The following MIGA1 variants were observed in gnomAD, a reference collection of about 807,000 sequenced individuals.
The protein encoded by MIGA1 is family with sequence similarity 73, member A.
In MIGA1, 58 loss-of-function variants were observed where a neutral mutation model predicts 82.0. The ratio of observed to expected loss-of-function variants is 0.71; its 90% CI spans 0.57 to 0.88. MIGA1 has a LOEUF of 0.88. Ranked by LOEUF, MIGA1 falls within the 40% of genes least tolerant of loss-of-function variation. MIGA1 has a pLI of 0.00. For missense variants in MIGA1, 751 were observed against 749.1 expected, an observed-to-expected ratio of 1.00 and a Z score of -0.03; for synonymous variants, 249 against 253.6, an observed-to-expected ratio of 0.98 and a Z score of 0.17.
intron 8 of MIGA1, among the ~76,000 whole-genome samples, chr1:77,844,147 G>GAT (rs1475551221): frequency 1.7e-4 from 21 of 126,782 alleles, no homozygotes; most frequent in African/African-American, 6.3e-4. Flanking sequence ...TAGATAGATA[G>GAT]ATAGATAGAT....
At chr1:77,872,099 CTAGGACTA>C (rs1231700095) in intron 14 of MIGA1, among the ~76,000 whole-genome samples, 1 of 152,030 alleles carries the variant, frequency 6.6e-6, no homozygotes, top group African/African-American at 2.4e-5. Flanking sequence ...TCCTGAGTAG[CTAGGACTA>C]TAGGTACACA....
rs796394795 is a variant in MIGA1, at chr1:77,878,018, G to A, written c.*2954G>A. 1.4e-4 allele frequency: 22 copies of A among 152,234 alleles called. No individual in the cohort carries two copies. The highest frequency in any genetic ancestry group is 5.1e-4 in the African/African-American group (21 of 41,550). The allele number at this position is 152,234 out of a possible 1,614,324, so 9.4% of individuals were successfully genotyped here. A position where few individuals can be genotyped will look rare whatever the true frequency, so the allele number is the denominator to read the frequency against. Reference sequence around the variant, plus strand: ...TAAGTATAGGAAATATCTCTTTATCGTAAGATAAGAAACTTGAACTTTTTA... The same window carrying A: ...TAAGTATAGGAAATATCTCTTTATCATAAGATAAGAAACTTGAACTTTTTA... On this transcript the variant is annotated 3_prime_UTR_variant, in exon 16 of 16. Coordinates refer to ENST00000370791, the MANE Select transcript of MIGA1 (RefSeq NM_198549.4).
intron 2 of MIGA1, among the ~76,000 whole-genome samples, chr1:77,790,936 A>C (rs1682390575): frequency 1.3e-5 from 2 of 152,048 alleles, no homozygotes; most frequent in Admixed American, 6.6e-5. Flanking sequence ...TTTTCCATCT[A>C]TAGTTTTGTC....
chr1:77,841,796 CTTTT>C lies in MIGA1; in HGVS notation c.896-1508_896-1505del, dbSNP rs201967274. ...CCCTCTCTCTCTCTTTCTTCCTTTT[CTTTT>C]TTCTTTCTTTTTTTTTTTGACAAGG... On this transcript the variant is annotated intron_variant, in intron 7 of 15. Coordinates refer to ENST00000370791, the MANE Select transcript of MIGA1 (RefSeq NM_198549.4). 7.1e-3 allele frequency among the ~76,000 whole-genome samples: 1,073 copies of C among 150,154 alleles called. 4 individuals carry two copies. Among genetic ancestry groups the C allele is most frequent in the Non-Finnish European group, 0.011 (761 of 67,526 alleles).
intron 2 of MIGA1, among the ~76,000 whole-genome samples, chr1:77,795,503 T>G (rs575276593): frequency 2.0e-5 from 3 of 152,070 alleles, no homozygotes; most frequent in African/African-American, 7.2e-5. Context: ...CCTGCCAATT[T>G]TTGTATTTTT....
intron 10 of MIGA1, chr1:77,859,626 T>G: frequency 2.1e-6 from 1 of 474,474 alleles, no homozygotes; most frequent in Non-Finnish European, 3.8e-6. Flanking sequence ...CAGGATATTT[T>G]GATACTTCAG....
At chr1:77,841,721 A>G (rs1684631897) in intron 7 of MIGA1, among the ~76,000 whole-genome samples, 1 of 124,788 alleles carries the variant, frequency 8.0e-6, no homozygotes, top group African/African-American at 3.1e-5. Context: ...ATCAAAGCCA[A>G]GGAGACTTCT....
Position 77,847,048 on chromosome 1 carries a change from T to C in MIGA1, c.996+3641T>C, listed in dbSNP as rs553409737. On this transcript the variant is annotated intron_variant, in intron 8 of 15. Transcript: ENST00000370791. ...ACCTCTCTGATTTGACGACACTTAT[T>C]TATAGCAATCCAGAAACTACACCAA... 195 of 731,772 alleles carry C rather than the reference T, an allele frequency of 2.7e-4. 1 individual carries two copies. In the South Asian group the frequency reaches 2.8e-3, roughly 10 times the overall value. The allele number at this position is 731,772 out of a possible 1,614,324, so 45.3% of individuals were successfully genotyped here. A position where few individuals can be genotyped will look rare whatever the true frequency, so the allele number is the denominator to read the frequency against.
intron 1 of MIGA1, chr1:77,780,085 C>A: frequency 9.7e-7 from 1 of 1,028,132 alleles, no homozygotes; most frequent in Non-Finnish European, 1.2e-6. Flanking sequence ...TCTGGACGGC[C>A]GAGCTGGAGG....
At position 77,803,323 on chromosome 1, in the gene MIGA1, A is replaced by G; in HGVS notation, c.427A>G (p.Lys143Glu). The change falls in exon 4 of 16, where the codon AAA becomes GAA. Residue 143 changes from lysine (K) to glutamate (E), a missense_variant. This residue lies in a region of MIGA1 where 482 missense variants were observed against 439.4 expected (regional missense o/e 1.10). Coordinates refer to ENST00000370791, the MANE Select transcript of MIGA1 (RefSeq NM_198549.4). ...TTTGACATTATCTTTAAGTTCTACC[A>G]AAGACAAAGGATCTCAAGTTTGTAA... 1 of 1,564,064 alleles carries G rather than the reference A, an allele frequency of 6.4e-7. No individual in the cohort carries two copies. Among genetic ancestry groups the G allele is most frequent in the African/African-American group, 1.4e-5 (1 of 73,110 alleles).
intron 7 of MIGA1, among the ~76,000 whole-genome samples, chr1:77,822,049 A>G (rs1683834159): frequency 6.6e-6 from 1 of 152,116 alleles, no homozygotes; most frequent in African/African-American, 2.4e-5. Context: ...CCACACACAC[A>G]CATACACACA....
chr1:77,847,704 G>A (rs1411007696), intron 8 of MIGA1: 6 of 1,582,912 alleles, frequency 3.8e-6, no homozygotes, highest in Non-Finnish European at 5.2e-6. Flanking sequence ...ACTAAATCAA[G>A]CAGTTGGTGA....
intron 8 of MIGA1, among the ~76,000 whole-genome samples, chr1:77,856,274 A>G (rs1462827542): frequency 6.6e-6 from 1 of 152,152 alleles, no homozygotes; most frequent in African/African-American, 2.4e-5. Context: ...TCTTTTTGAT[A>G]CGTTGTTGGA....
chr1:77,809,124 A>G (rs1683215683), intron 5 of MIGA1, among the ~76,000 whole-genome samples: 1 of 152,008 alleles, frequency 6.6e-6, no homozygotes, highest in African/African-American at 2.4e-5. Context: ...AACAACAACA[A>G]CAACAACAAC....
At chr1:77,779,814 A>G in intron 1 of MIGA1, 78 bp downstream of exon 1, 1 of 1,477,420 alleles carries the variant, frequency 6.8e-7, no homozygotes. Flanking sequence ...CAGTTGGGGC[A>G]GAGGCCTCGG....
intron 7 of MIGA1, among the ~76,000 whole-genome samples, chr1:77,840,388 A>G (rs1684584749): frequency 6.6e-6 from 1 of 152,248 alleles, no homozygotes; most frequent in African/African-American, 2.4e-5. Flanking sequence ...AAAGTAAAAC[A>G]GACTTTTAAC....
At chr1:77,823,657 T>G (rs1683916328) in intron 7 of MIGA1, among the ~76,000 whole-genome samples, 1 of 152,182 alleles carries the variant, frequency 6.6e-6, no homozygotes, top group Non-Finnish European at 1.5e-5. Flanking sequence ...CTCAAACTCC[T>G]GGGCTCAAGC....
Position 77,841,877 on chromosome 1 carries a change from C to T in MIGA1, c.896-1430C>T, listed in dbSNP as rs144930495. Among the ~76,000 whole-genome samples, 796 of 150,690 alleles carry T rather than the reference C, an allele frequency of 5.3e-3. 6 individuals are homozygous for T. The highest frequency in any genetic ancestry group is 0.018 in the African/African-American group (745 of 41,028). On this transcript the variant is annotated intron_variant, in intron 7 of 15. Coordinates refer to ENST00000370791, the MANE Select transcript of MIGA1 (RefSeq NM_198549.4). ...GCAGTGGTGCAGTCATAGCTCACTG[C>T]AGCCTCAAACTCCTGGAGTCAAGCA... is the stretch of plus-strand genomic sequence containing the variant.
chr1:77,791,897 A>G (rs150411082), intron 2 of MIGA1, among the ~76,000 whole-genome samples: 2 of 152,294 alleles, frequency 1.3e-5, no homozygotes, highest in East Asian at 3.9e-4. Context: ...TACAAAATTA[A>G]TTATTGGCTG....
Sources: allele counts gnomAD v4.1 joint callset (sites outside exome capture counted in the v4.1 genomes callset), GRCh38; gene constraint gnomAD v4.1.1; regional missense constraint gnomAD v4.1.1; transcripts MANE v1.5; gene names NCBI Gene and HGNC (gene_info 2026-07-23, HGNC 2026-07-21).